Variants in C3orf20 observed in about 807,000 individuals in gnomAD.
C3orf20 encodes uncharacterized protein C3orf20.
A neutral mutation model predicts 88.3 loss-of-function variants in C3orf20; 76 were observed. The ratio of observed to expected loss-of-function variants is 0.86; its 90% CI spans 0.72 to 1.04. C3orf20 has a LOEUF of 1.04. C3orf20 is among the 50% of genes least tolerant of loss of function. The probability of loss-of-function intolerance (pLI) is 0.00; values close to 1 mark genes in which losing one functional copy is unlikely to be tolerated. For synonymous variants in C3orf20, 436 were observed against 437.4 expected (o/e 1.00, Z 0.04); for missense variants, 1,056 against 1,123.3 (o/e 0.94, Z 0.86).
intron 7 of C3orf20, 98 bp from the exon 8 acceptor site, chr3:14,713,909 A>G: frequency 7.4e-7 from 1 of 1,350,338 alleles, no homozygotes; most frequent in East Asian, 2.4e-5. Flanking sequence ...TGATGCACCA[A>G]ATAGCTAACA....
At chr3:14,750,630 G>A (rs1225697168) in intron 12 of C3orf20, among the ~76,000 whole-genome samples, 2 of 150,634 alleles carry the variant, frequency 1.3e-5, no homozygotes, top group South Asian at 2.1e-4. Flanking sequence ...AAATATGTCC[G>A]CCCACTGCCT....
chr3:14,769,034 A>G (rs1227833093), intron 15 of C3orf20, among the ~76,000 whole-genome samples: 4 of 152,056 alleles, frequency 2.6e-5, no homozygotes. Context: ...TGATGTCCCC[A>G]TCATTTGGTT....
rs1326414315 is a variant in C3orf20 at position 14,701,773 on chromosome 3, T to C, written c.746-1357T>C. Among the ~76,000 whole-genome samples the C allele has an allele frequency of 6.6e-6, 1 of 152,114 alleles. No individual in the cohort carries two copies. The highest frequency in any genetic ancestry group is 1.9e-4 in the East Asian group (1 of 5,182). ...GGTGAATCAAAAGGGTCCAATTCAG[T>C]GAGGGCCGTCCAGCCCTGGAAATGC... On this transcript the variant is annotated intron_variant, in intron 5 of 16. Coordinates refer to ENST00000253697, the MANE Select transcript of C3orf20 (RefSeq NM_032137.5). The surrounding 1 kb of genome is among the most constrained non-coding windows in gnomAD (Gnocchi z 4.6).
At position 14,680,564 on chromosome 3, in the gene C3orf20, A is replaced by G. The variant is rs79705009; in HGVS notation, c.-298-1606A>G. Among the ~76,000 whole-genome samples, 1,007 of 152,314 alleles carry G rather than the reference A, an allele frequency of 6.6e-3. 13 individuals carry two copies. Among genetic ancestry groups the G allele is most frequent in the African/African-American group, 0.023 (943 of 41,560 alleles). ...GGGCAATAGAATGTTCTAAAATTTG[A>G]TAGTAATGGTTATACAACTCTGAAT... On this transcript the variant is annotated intron_variant, in intron 1 of 16. Coordinates refer to ENST00000253697, the MANE Select transcript of C3orf20 (RefSeq NM_032137.5).
intron 6 of C3orf20, 96 bp from the exon 7 acceptor site, chr3:14,704,241 G>A: frequency 3.9e-6 from 5 of 1,282,614 alleles, no homozygotes; most frequent in Non-Finnish European, 5.5e-6. Flanking sequence ...AGGGGAATGG[G>A]ATAGGGGTCT....
At chr3:14,693,762 G>A (rs1049015395) in intron 5 of C3orf20, among the ~76,000 whole-genome samples, 7 of 152,164 alleles carry the variant, frequency 4.6e-5, no homozygotes, top group Middle Eastern at 3.4e-3. Flanking sequence ...CATCCTTGTC[G>A]TGGTCCTGAT....
intron 12 of C3orf20, among the ~76,000 whole-genome samples, chr3:14,742,197 T>C (rs1401764338): frequency 6.6e-6 from 1 of 152,244 alleles, no homozygotes; most frequent in Non-Finnish European, 1.5e-5. Context: ...TAAGTAACAT[T>C]AGTGATATGC....
intron 12 of C3orf20, among the ~76,000 whole-genome samples, chr3:14,739,245 G>A (rs560192905): frequency 1.3e-5 from 2 of 152,280 alleles, no homozygotes; most frequent in South Asian, 4.1e-4. Context: ...TCTACTCCTT[G>A]ATCTGTGGGC....
chr3:14,747,400 C>T (rs368490037), intron 12 of C3orf20, among the ~76,000 whole-genome samples: 1 of 152,204 alleles, frequency 6.6e-6, no homozygotes, highest in South Asian at 2.1e-4. Context: ...ACCCATTAAG[C>T]GTAAACCTTG....
rs1392898078 is a variant in C3orf20, at chr3:14,726,932, A to G, written c.1598A>G (p.Lys533Arg). The G allele has an allele frequency of 6.2e-7, 1 of 1,614,016 alleles. No individual in the cohort carries two copies. The highest frequency in any genetic ancestry group is 8.5e-7 in the Non-Finnish European group (1 of 1,180,016). The change falls in exon 11 of 17, where the codon AAG (lysine) becomes AGG (arginine). Residue 533 changes from lysine to arginine, a missense_variant. Physicochemically the swap from Lys to Arg is conservative, Grantham distance 26. Transcript: ENST00000253697. The part of the protein sequence containing the change: ...LNRRISNMDD[K>R]VYKMSRALAE... ...CGCAGAATCAGCAACATGGACGACA[A>G]GGTGTATAAGATGAGCCGAGCCCTG...
At chr3:14,764,755 G>C (rs924026897) in intron 15 of C3orf20, among the ~76,000 whole-genome samples, 2 of 152,128 alleles carry the variant, frequency 1.3e-5, no homozygotes, top group Non-Finnish European at 2.9e-5. Context: ...CAACATGGTG[G>C]CTGGGTTCCA....
At chr3:14,732,224 T>G (rs1459186933) in intron 12 of C3orf20, among the ~76,000 whole-genome samples, 1 of 152,266 alleles carries the variant, frequency 6.6e-6, no homozygotes, top group Non-Finnish European at 1.5e-5. Flanking sequence ...CGTTTTAATT[T>G]GCATTTCCCT....
Position 14,703,157 on chromosome 3 carries a change from G to C in C3orf20, c.773G>C (p.Ser258Thr). 1 of 1,614,166 alleles carries C rather than the reference G, an allele frequency of 6.2e-7. No individual in the cohort carries two copies. The highest frequency in any genetic ancestry group is 8.5e-7 in the Non-Finnish European group (1 of 1,180,026). Residue 258 changes from serine (S) to threonine (T), a missense_variant, in exon 6 of 17, where the codon AGC (serine) becomes ACC (threonine). Transcript: ENST00000253697. ...AAATCTAGAACTACAGAAGATGTCAGCATGCCGCCCCTGCATCGAGGAGTG... is the reference window on the plus strand; with the variant it reads ...AAATCTAGAACTACAGAAGATGTCACCATGCCGCCCCTGCATCGAGGAGTG... The part of the protein sequence containing the change: ...IGKSRTTEDV[S>T]MPPLHRGVGT...
At chr3:14,679,671 C>T (rs1450528043) in intron 1 of C3orf20, among the ~76,000 whole-genome samples, 1 of 152,118 alleles carries the variant, frequency 6.6e-6, no homozygotes, top group African/African-American at 2.4e-5. Context: ...TATGTTCATT[C>T]CCTGAAGGCA....
In C3orf20 at chr3:14,764,504, A is replaced by ATTG. The variant is rs1180584711; in HGVS notation, c.2495+2891_2495+2892insGTT. Among the ~76,000 whole-genome samples the ATTG allele has an allele frequency of 3.2e-3, 473 of 148,986 alleles. 5 individuals carry two copies. The highest frequency in any genetic ancestry group is 0.011 in the African/African-American group (434 of 38,946). Reference sequence around the variant, plus strand: ...GTTTATTATTATTATTATTATTATTATTATTGTTGTTGTTGTTGTTGTTGT... The same window carrying ATTG: ...GTTTATTATTATTATTATTATTATTATTGTTATTGTTGTTGTTGTTGTTGTTGT... On this transcript the variant is annotated intron_variant, in intron 15 of 16. Transcript: ENST00000253697.
intron 15 of C3orf20, among the ~76,000 whole-genome samples, chr3:14,763,570 G>A (rs898228640): frequency 6.6e-5 from 10 of 152,190 alleles, no homozygotes; most frequent in African/African-American, 2.2e-4. Context: ...AGACATCACA[G>A]TGGAGGATGC....
intron 13 of C3orf20, among the ~76,000 whole-genome samples, chr3:14,759,550 T>C (rs1360879845): frequency 6.6e-6 from 1 of 152,138 alleles, no homozygotes; most frequent in East Asian, 1.9e-4. Flanking sequence ...AGAACACAGT[T>C]CCCATCTTCA....
At chr3:14,681,851 C>A (rs2032110349) in intron 1 of C3orf20, among the ~76,000 whole-genome samples, 1 of 152,048 alleles carries the variant, frequency 6.6e-6, no homozygotes. Context: ...CTTTCTTCAA[C>A]CAGTGGTCTA....
At chr3:14,742,874 G>C (rs550681965) in intron 12 of C3orf20, among the ~76,000 whole-genome samples, 45 of 152,088 alleles carry the variant, frequency 3.0e-4, no homozygotes, top group African/African-American at 1.0e-3. Context: ...TTCACTATCA[G>C]GAGAATAGCA....
Sources: gnomAD v4.1 joint callset for allele counts (sites outside exome capture counted in the v4.1 genomes callset) on GRCh38, gnomAD v4.1.1 for gene constraint, Gnocchi (gnomAD v3.1) non-coding constraint, MANE v1.5 for transcripts, NCBI Gene and HGNC (gene_info 2026-07-23, HGNC 2026-07-21) for gene names.